Variants in PCDH15 observed in about 807,000 individuals in gnomAD.
PCDH15 encodes protocadherin-15.
A neutral mutation model predicts 178.5 loss-of-function variants in PCDH15; 129 were observed. The observed-to-expected ratio is 0.72, with a 90% CI of 0.63 to 0.84. PCDH15 has a LOEUF of 0.84. Ranked by LOEUF, PCDH15 falls within the 40% of genes least tolerant of loss-of-function variation. The pLI is 0.00. For synonymous variants in PCDH15, 800 were observed against 732.0 expected, an observed-to-expected ratio of 1.09 and a Z score of -1.50; for missense variants, 2,230 against 2,099.9, an observed-to-expected ratio of 1.06 and a Z score of -1.21.
At chr10:54,946,068 AGGAAACCAAT>A (rs1838190853) in intron 2 of PCDH15, among the ~76,000 whole-genome samples, 2 of 151,960 alleles carry the variant, frequency 1.3e-5, no homozygotes, top group South Asian at 4.1e-4. Flanking sequence ...AAAAATATGT[AGGAAACCAAT>A]GTCATAATTG....
rs754067299 is a variant in PCDH15 at position 53,857,242 on chromosome 10, C to A, written c.3739G>T (p.Asp1247Tyr). Reference sequence around the variant, plus strand: ...ACATTGGAAACAATGACTTGCATATCCAGCTGATTGACCACGGAGACCTGA... The same window carrying A: ...ACATTGGAAACAATGACTTGCATATACAGCTGATTGACCACGGAGACCTGA... ...DVLVSVVNQL[D>Y]MQVIVSNVPP... Residue 1247 changes from aspartate to tyrosine, a missense_variant, in exon 28 of 38, where the codon GAT (aspartate) becomes TAT (tyrosine). By Grantham distance (160) the Asp-to-Tyr change is radical. Transcript: ENST00000644397. The A allele has an allele frequency of 5.0e-6, 8 of 1,611,422 alleles. No individual in the cohort carries two copies. Among genetic ancestry groups the A allele is most frequent in the Non-Finnish European group, 6.8e-6 (8 of 1,178,098 alleles).
intron 1 of PCDH15, among the ~76,000 whole-genome samples, chr10:55,198,390 T>C (rs1840151511): frequency 6.6e-6 from 1 of 152,246 alleles, no homozygotes; most frequent in African/African-American, 2.4e-5. Context: ...TGACAGTAAA[T>C]GAATTCTTAT....
intron 14 of PCDH15, among the ~76,000 whole-genome samples, chr10:54,138,055 G>A (rs946723242): frequency 5.9e-5 from 9 of 152,146 alleles, no homozygotes; most frequent in African/African-American, 1.7e-4. Flanking sequence ...CACCCGGATA[G>A]GTGAGTGTCA....
intron 3 of PCDH15, among the ~76,000 whole-genome samples, chr10:54,481,444 AT>A (rs1420003243): frequency 6.6e-6 from 1 of 151,772 alleles, no homozygotes; most frequent in Non-Finnish European, 1.5e-5. Flanking sequence ...CTCTTGTCAA[AT>A]TCTAATTAAC....
rs66513139 is a variant in PCDH15, at chr10:53,897,959, C to CTTTTTTTTTTTT, written c.3501+5272_3501+5283dup. Among the ~76,000 whole-genome samples the CTTTTTTTTTTTT allele has an allele frequency of 1.8e-3, 145 of 82,404 alleles. 11 individuals are homozygous for CTTTTTTTTTTTT. The highest frequency in any genetic ancestry group is 6.4e-3 in the African/African-American group (118 of 18,414). 54.1% of individuals were successfully genotyped at this position (82,404 alleles called of 152,430 possible). On this transcript the variant is annotated intron_variant, in intron 26 of 37. Coordinates refer to ENST00000644397, the MANE Select transcript of PCDH15 (RefSeq NM_001384140.1). ...TGAACATATGTGTTGTTTCTTTTCCCTTTTTTTTTTTTTTTTTTTTTTTTT... is the reference window on the plus strand; with the variant it reads ...TGAACATATGTGTTGTTTCTTTTCCCTTTTTTTTTTTTTTTTTTTTTTTTTTTTTTTTTTTTT...
intron 1 of PCDH15, among the ~76,000 whole-genome samples, chr10:54,717,169 C>A: frequency 7.7e-6 from 1 of 130,700 alleles, no homozygotes; most frequent in Non-Finnish European, 1.6e-5. Context: ...AGAAGAAAAC[C>A]TAGGCATTAC....
chr10:55,578,189 ATATTT>A (rs746433101), intron 2 of PCDH15, among the ~76,000 whole-genome samples: 21 of 151,982 alleles, frequency 1.4e-4, no homozygotes, highest in Non-Finnish European at 2.2e-4. Context: ...GGATTATTTT[ATATTT>A]TATTTTATTT....
At chr10:54,139,710 G>A (rs1194238048) in intron 14 of PCDH15, among the ~76,000 whole-genome samples, 1 of 152,072 alleles carries the variant, frequency 6.6e-6, no homozygotes, top group African/African-American at 2.4e-5. Flanking sequence ...TAGTTCAGAA[G>A]TTATCTAAAG....
chr10:53,911,820 A>T (rs1386391343), intron 25 of PCDH15, among the ~76,000 whole-genome samples: 1 of 152,168 alleles, frequency 6.6e-6, no homozygotes, highest in Non-Finnish European at 1.5e-5. Flanking sequence ...CCAACCAAAA[A>T]CAAAGTCCGG....
chr10:54,170,117 A>G (rs10825250), intron 13 of PCDH15, among the ~76,000 whole-genome samples: 61,378 of 94,998 alleles, frequency 0.65, 21,810 homozygotes, highest in Middle Eastern at 0.74. Context: ...CTGTACTGCC[A>G]CAAAGCTTCA....
intron 8 of PCDH15, among the ~76,000 whole-genome samples, chr10:54,270,023 T>C (rs190776858): frequency 3.6e-4 from 55 of 152,198 alleles, no homozygotes; most frequent in African/African-American, 1.3e-3. Context: ...AAGTATTCAT[T>C]TATCTTTGAT....
At chr10:53,905,896 C>T (rs1166923935) in intron 25 of PCDH15, among the ~76,000 whole-genome samples, 1 of 151,714 alleles carries the variant, frequency 6.6e-6, no homozygotes, top group African/African-American at 2.4e-5. Context: ...TATATGAAAA[C>T]TAATGACTAT....
Position 55,491,218 on chromosome 10 carries a change from A to G in PCDH15, c.-156+136407T>C, listed in dbSNP as rs552564607. 2.6e-5 allele frequency among the ~76,000 whole-genome samples: 4 copies of G among 151,810 alleles called. No homozygotes were observed. The East Asian group carries it at 7.9e-4, about 30-fold the overall frequency. ...GAAGACAGAGGCTCCCTTGACCCCC[A>G]TCTCTCAATCTATATCTGATTTCAC... On this transcript the variant is annotated intron_variant, in intron 2 of 5. Coordinates refer to the PCDH15 transcript ENST00000613346.
chr10:55,622,300 C>T (rs1208241084), intron 2 of PCDH15, among the ~76,000 whole-genome samples: 3 of 150,818 alleles, frequency 2.0e-5, no homozygotes, highest in African/African-American at 7.3e-5. Flanking sequence ...TAAGCCACTG[C>T]GCCTGGCCCA....
chr10:54,033,923 G>T (rs2093358144), intron 18 of PCDH15, among the ~76,000 whole-genome samples: 1 of 151,830 alleles, frequency 6.6e-6, no homozygotes, highest in Non-Finnish European at 1.5e-5. Flanking sequence ...TCTCTGAAGA[G>T]TCAAGAGTAA....
At chr10:54,144,220 A>G (rs2043680761) in intron 14 of PCDH15, among the ~76,000 whole-genome samples, 1 of 152,100 alleles carries the variant, frequency 6.6e-6, no homozygotes, top group African/African-American at 2.4e-5. Flanking sequence ...AAGCAGCCAG[A>G]AAGACTGACA....
chr10:55,422,557 T>C (rs991641017), intron 2 of PCDH15, among the ~76,000 whole-genome samples: 5 of 151,908 alleles, frequency 3.3e-5, no homozygotes, highest in African/African-American at 1.2e-4. Context: ...CTGCAGAACA[T>C]GTCTCATAAC....
At chr10:54,370,057 A>G (rs971491558) in intron 4 of PCDH15, among the ~76,000 whole-genome samples, 2 of 152,020 alleles carry the variant, frequency 1.3e-5, no homozygotes, top group Admixed American at 6.6e-5. Flanking sequence ...ATACATAAGC[A>G]TATGCTTACT....
intron 8 of PCDH15, among the ~76,000 whole-genome samples, chr10:54,286,276 T>C (rs531538888): frequency 1.3e-5 from 2 of 152,294 alleles, no homozygotes; most frequent in South Asian, 2.1e-4. Flanking sequence ...GATTATTACA[T>C]AATGTATAGA....
Sources: gnomAD v4.1 joint callset for allele counts (sites outside exome capture counted in the v4.1 genomes callset) on GRCh38, gnomAD v4.1.1 for gene constraint, MANE v1.5 for transcripts, NCBI Gene and HGNC (gene_info 2026-07-23, HGNC 2026-07-21) for gene names.